Variants in TTN observed in about 807,000 individuals in gnomAD.
TTN encodes the protein titin, also known as connectin.
A neutral mutation model predicts 3,223.0 loss-of-function variants in TTN; 1,525 were observed. The observed-to-expected ratio is 0.47, with a 90% CI of 0.45 to 0.49. The LOEUF (loss-of-function observed/expected upper bound fraction) is 0.49. TTN is among the 20% of genes least tolerant of loss of function. The pLI is 0.00. For missense variants in TTN, 40,786 were observed against 43,424.0 expected, an observed-to-expected ratio of 0.94 and a Z score of 5.40; for synonymous variants, 14,094 against 15,161.0, an observed-to-expected ratio of 0.93 and a Z score of 5.17.
chr2:178,541,621 T>A, intron 349 of TTN, 37 bp from the exon 350 acceptor site: 1 of 1,537,574 alleles, frequency 6.5e-7, no homozygotes. Flanking sequence ...TATGGCAATA[T>A]GAATACGTTA....
In TTN at chr2:178,586,960, T is replaced by C. The variant is rs528099124; in HGVS notation, c.64094-153A>G. 1.3e-5 allele frequency: 18 copies of C among 1,358,062 alleles called. No homozygotes were observed. The East Asian group carries it at 3.7e-4, about 28-fold the overall frequency. The allele number at this position is 1,358,062 out of a possible 1,614,324, so 84.1% of individuals were successfully genotyped here. On this transcript the variant is annotated intron_variant, in intron 307 of 362. Transcript: ENST00000589042. ...AGCAAAACATATAAGATGAGACAGA[T>C]CAAAAAAGTGTTTCATGAGTGAGAT... is the stretch of plus-strand genomic sequence containing the variant.
Position 178,575,271 on chromosome 2 carries a change from G to A in TTN, c.70861C>T (p.Pro23621Ser). The A allele has an allele frequency of 1.2e-6, 2 of 1,613,316 alleles. No individual in the cohort carries two copies. The highest frequency in any genetic ancestry group is 1.7e-6 in the Non-Finnish European group (2 of 1,179,562). Reference protein sequence around the residue: ...AGRSAPRESRPVIVKEQTMLP... With the variant: ...AGRSAPRESRSVIVKEQTMLP... The stretch of plus-strand genomic sequence containing the variant: ...ATTGTCTGCTCCTTGACAATGACGG[G>A]TCTGCTTTCTCTAGGGGCACTTCTC... Residue 23621 changes from proline to serine, a missense_variant, in exon 326 of 363, where the codon CCC becomes TCC. Coordinates refer to ENST00000589042, the MANE Select transcript of TTN (RefSeq NM_001267550.2). The surrounding 1 kb of genome is among the most constrained non-coding windows in gnomAD (Gnocchi z 4.0).
rs1697305563 is a variant in TTN, at chr2:178,546,657, C to G, written c.94771G>C (p.Gly31591Arg). Reference sequence around the variant, plus strand: ...GATTCAGACCCTTTGCTAATTACGCCTGCTGCATTCTTGGCTAACACACGG... The same window carrying G: ...GATTCAGACCCTTTGCTAATTACGCGTGCTGCATTCTTGGCTAACACACGG... ...EFRVLAKNAA[G>R]VISKGSESTG... The change falls in exon 341 of 363, where the codon GGC becomes CGC. Residue 31591 changes from glycine (G) to arginine (R), a missense_variant. Coordinates refer to ENST00000589042, the MANE Select transcript of TTN (RefSeq NM_001267550.2). 1.2e-6 allele frequency: 2 copies of G among 1,613,742 alleles called. No individual in the cohort carries two copies. The highest frequency in any genetic ancestry group is 1.7e-5 in the Admixed American group (1 of 59,994).
At chr2:178,747,826 T>C in intron 47 of TTN, 1 of 1,612,826 alleles carries the variant, frequency 6.2e-7, no homozygotes, top group Non-Finnish European at 8.5e-7. Flanking sequence ...CTTCATAACA[T>C]TTTTCTTCTC....
At position 178,804,616 on chromosome 2, in the gene TTN, C is replaced by T. The variant is rs760305568; in HGVS notation, c.27G>A (p.Thr9=). MTTQAPTF[T]QPLQSVVVLE... is the part of the protein sequence containing the mutation. ...GTACCACAACGCTTTGTAACGGCTG[C>T]GTAAACGTCGGTGCTTGAGTTGTCA... The change falls in exon 2 of 363, where the codon ACG becomes ACA. Residue 9 remains threonine, a synonymous_variant. Transcript: ENST00000589042. The T allele has an allele frequency of 2.2e-5, 35 of 1,613,718 alleles. No individual in the cohort carries two copies. Among genetic ancestry groups the T allele is most frequent in the African/African-American group, 8.0e-5 (6 of 74,884 alleles).
rs1250205827 is a variant in TTN, at chr2:178,571,670, A to G, written c.74462T>C (p.Val24821Ala). The change falls in exon 326 of 363, where the codon GTG (valine) becomes GCG (alanine). Residue 24821 changes from valine (V) to alanine (A), a missense_variant. Physicochemically the swap from Val to Ala is moderately conservative, Grantham distance 64. Transcript: ENST00000589042. ...GGAAAGAGTAATACTATCAGCTGTC[A>G]CTTCATCCATTTTAACTGGTCCAGT... ...PPTGPVKMDE[V>A]TADSITLSWG... 1 of 1,613,336 alleles carries G rather than the reference A, an allele frequency of 6.2e-7. No homozygotes were observed. The highest frequency in any genetic ancestry group is 1.3e-5 in the African/African-American group (1 of 74,890).
At position 178,713,944 on chromosome 2, in the gene TTN, T is replaced by A; in HGVS notation, c.26714A>T (p.Gln8905Leu). 1 of 1,613,732 alleles carries A rather than the reference T, an allele frequency of 6.2e-7. No individual in the cohort carries two copies. Among genetic ancestry groups the A allele is most frequent in the Non-Finnish European group, 8.5e-7 (1 of 1,179,698 alleles). Residue 8905 changes from glutamine (Q) to leucine (L), a missense_variant, in exon 92 of 363, where the codon CAG becomes CTG. By Grantham distance (113) the Gln-to-Leu change is moderately radical. Transcript: ENST00000589042. ...SDSGVYSFEVQNPVGKDSCTA... is the reference protein window; with the variant it reads ...SDSGVYSFEVLNPVGKDSCTA... ...GCAGCTGTCTTTGCCAACAGGGTTC[T>A]GCACCTCAAAACTGTATACCCCACT...
At position 178,614,306 on chromosome 2, in the gene TTN, G is replaced by T. The variant is rs1159477728; in HGVS notation, c.49091C>A (p.Thr16364Asn). The T allele has an allele frequency of 6.2e-7, 1 of 1,612,618 alleles. No individual in the cohort carries two copies. The highest frequency in any genetic ancestry group is 8.5e-7 in the Non-Finnish European group (1 of 1,179,236). The part of the protein sequence containing the change: ...PPAAFDITDV[T>N]NESCLLTWNP... ...CCATGTTAGAAGACATGACTCATTG[G>T]TTACATCTGTGATGTCAAAGGCAGC... Residue 16364 changes from threonine (T) to asparagine (N), a missense_variant, in exon 262 of 363, where the codon ACC becomes AAC. Coordinates refer to ENST00000589042, the MANE Select transcript of TTN (RefSeq NM_001267550.2).
chr2:178,783,481 T>C (rs1363226750), intron 17 of TTN, among the ~76,000 whole-genome samples: 1 of 152,228 alleles, frequency 6.6e-6, no homozygotes. Flanking sequence ...GCCTTCTGCA[T>C]ATTAGAAGCT....
chr2:178,789,444 AGCAGTAGCAACTGCTATT>A lies in TTN; in HGVS notation c.1974_1991del (p.Ile659_Ala664del), dbSNP rs749178126. ...GTATTGTTTCTTGTTCTTTGGCTTTAGCAGTAGCAACTGCTATTGTAGACAAGGCAGTTTTCTCGGCTT... is the reference window on the plus strand; with the variant it reads ...GTATTGTTTCTTGTTCTTTGGCTTTAGTAGACAAGGCAGTTTTCTCGGCTT... On this transcript the variant is annotated inframe_deletion, in exon 13 of 363. Coordinates refer to ENST00000589042, the MANE Select transcript of TTN (RefSeq NM_001267550.2). The A allele has an allele frequency of 1.3e-5, 21 of 1,613,540 alleles. 1 individual carries two copies. In the South Asian group the frequency reaches 2.3e-4, roughly 18 times the overall value.
chr2:178,564,647 G>A lies in TTN; in HGVS notation c.81485C>T (p.Ser27162Leu), dbSNP rs763903239. The change falls in exon 326 of 363, where the codon TCA becomes TTA. Residue 27162 changes from serine to leucine, a missense_variant. Ser to Leu is a moderately radical substitution (Grantham distance 145). Transcript: ENST00000589042. ...IVGIGKPSKV[S>L]ECFVARDPCD... is the part of the protein sequence containing the mutation. ...TGGATCACGAGCAACAAAGCATTCT[G>A]ACACTTTGCTAGGCTTGCCAATGCC... The A allele has an allele frequency of 7.4e-6, 12 of 1,613,398 alleles. No homozygotes were observed. The African/African-American group carries it at 1.6e-4, about 22-fold the overall frequency.
rs1441268700 is a variant in TTN at position 178,734,743 on chromosome 2, C to T, written c.15181G>A (p.Gly5061Ser). Residue 5061 changes from glycine (G) to serine (S), a missense_variant, in exon 51 of 363, where the codon GGC (glycine) becomes AGC (serine). By Grantham distance (56) the Gly-to-Ser change is moderately conservative. Coordinates refer to ENST00000589042, the MANE Select transcript of TTN (RefSeq NM_001267550.2). ...ATTTCAGTACTGCAGCTATCACTGCCGACGTCATTCACTGCTTCACATGAG... is the reference window on the plus strand; with the variant it reads ...ATTTCAGTACTGCAGCTATCACTGCTGACGTCATTCACTGCTTCACATGAG... Reference protein sequence around the residue: ...SYSCEAVNDVGSDSCSTEIVI... With the variant: ...SYSCEAVNDVSSDSCSTEIVI... 8.7e-6 allele frequency: 14 copies of T among 1,612,996 alleles called. No individual in the cohort carries two copies. The highest frequency in any genetic ancestry group is 4.0e-5 in the African/African-American group (3 of 74,904).
intron 44 of TTN, among the ~76,000 whole-genome samples, chr2:178,758,487 C>T (rs1296719321): frequency 6.6e-6 from 1 of 152,134 alleles, no homozygotes; most frequent in East Asian, 1.9e-4. Context: ...CACTTTAGGA[C>T]TGGACTTCTT....
Position 178,773,585 on chromosome 2 carries a change from C to T in TTN, c.7471G>A (p.Val2491Ile), listed in dbSNP as rs976008348. The T allele has an allele frequency of 6.2e-7, 1 of 1,613,906 alleles. No individual in the cohort carries two copies. Among genetic ancestry groups the T allele is most frequent in the Admixed American group, 1.7e-5 (1 of 59,968 alleles). ...NDEQIKPDDR[V>I]QAIVKGTKQR... ...TTAGTACCTTTCACAATGGCCTGTA[C>T]ACGGTCATCAGGCTTGATTTGTTCA... Residue 2491 changes from valine to isoleucine, a missense_variant, in exon 32 of 363, where the codon GTA becomes ATA. By Grantham distance (29) the Val-to-Ile change is conservative. Coordinates refer to ENST00000589042, the MANE Select transcript of TTN (RefSeq NM_001267550.2).
intron 100 of TTN, 114 bp downstream of exon 100, chr2:178,707,412 A>G: frequency 7.8e-7 from 1 of 1,290,018 alleles, no homozygotes; most frequent in Non-Finnish European, 1.0e-6. Flanking sequence ...ATTGCAGATG[A>G]GCAACAACTG....
chr2:178,776,585 C>T lies in TTN; in HGVS notation c.5279G>A (p.Cys1760Tyr). The T allele has an allele frequency of 6.2e-7, 1 of 1,613,834 alleles. No homozygotes were observed. Among genetic ancestry groups the T allele is most frequent in the Admixed American group, 1.7e-5 (1 of 60,004 alleles). ...RLRMINEFGY[C>Y]SLDYGVAYSR... ...ATATGCAACGCCATAATCAAGGCTG[C>T]AGTACCCAAATTCATTGATCATACG... Residue 1760 changes from cysteine (C) to tyrosine (Y), a missense_variant, in exon 28 of 363, where the codon TGC becomes TAC. Physicochemically the swap from Cys to Tyr is radical, Grantham distance 194 (BLOSUM62 -2). Transcript: ENST00000589042.
At chr2:178,631,711 A>G (rs1374468219) in intron 236 of TTN, among the ~76,000 whole-genome samples, 1 of 152,042 alleles carries the variant, frequency 6.6e-6, no homozygotes, top group African/African-American at 2.4e-5. Flanking sequence ...ATGTCTATAT[A>G]TGTTAGCCTT....
At position 178,701,145 on chromosome 2, in the gene TTN, C is replaced by T; in HGVS notation, c.30657G>A (p.Lys10219=). The T allele has an allele frequency of 6.2e-7, 1 of 1,613,652 alleles. No homozygotes were observed. Among genetic ancestry groups the T allele is most frequent in the Non-Finnish European group, 8.5e-7 (1 of 1,179,718 alleles). ...IPLLLPTPEE[K]KPPPKRIEVT... is the part of the protein sequence containing the mutation. The stretch of plus-strand genomic sequence containing the variant: ...CTTCAATACGTTTTGGTGGTGGTTT[C>T]TTTTCTTCGGGTGTTGGTAGCAAAA... Residue 10219 remains lysine (K), a synonymous_variant, in exon 111 of 363, where the codon AAG becomes AAA. Coordinates refer to ENST00000589042, the MANE Select transcript of TTN (RefSeq NM_001267550.2).
chr2:178,620,869 T>C lies in TTN; in HGVS notation c.45741A>G (p.Ile15247Met). The part of the protein sequence containing the change: ...KAKWFRNEEA[I>M]FDSSKYIILQ... The stretch of plus-strand genomic sequence containing the variant: ...GAATGATGTATTTTGAACTATCAAA[T>C]ATAGCTTCTTCATTTCTGAACCATT... Residue 15247 changes from isoleucine (I) to methionine (M), a missense_variant, in exon 247 of 363, where the codon ATA becomes ATG. Physicochemically the swap from Ile to Met is conservative, Grantham distance 10. Coordinates refer to ENST00000589042, the MANE Select transcript of TTN (RefSeq NM_001267550.2). The C allele has an allele frequency of 6.2e-7, 1 of 1,612,598 alleles. No homozygotes were observed. Among genetic ancestry groups the C allele is most frequent in the Non-Finnish European group, 8.5e-7 (1 of 1,179,134 alleles).
Sources: allele counts gnomAD v4.1 joint callset (sites outside exome capture counted in the v4.1 genomes callset), GRCh38; gene constraint gnomAD v4.1.1; non-coding constraint Gnocchi (gnomAD v3.1); transcripts MANE v1.5; gene names NCBI Gene and HGNC (gene_info 2026-07-23, HGNC 2026-07-21).